Variants in MKLN1 observed in about 807,000 individuals in gnomAD.
MKLN1 encodes the protein muskelin.
MKLN1 carries 18 observed loss-of-function variants against 99.0 expected under a neutral mutation model. The ratio of observed to expected loss-of-function variants is 0.18; its 90% CI spans 0.13 to 0.27. The LOEUF (loss-of-function observed/expected upper bound fraction) is 0.27, where lower values mean the gene tolerates loss of function less well. Ranked by LOEUF, MKLN1 falls within the 10% of genes least tolerant of loss-of-function variation. The pLI, the probability that MKLN1 is intolerant of heterozygous loss-of-function variation, is 1.00. For missense variants in MKLN1, 621 were observed against 875.9 expected (o/e 0.71, Z 3.67); for synonymous variants, 288 against 293.2 (o/e 0.98, Z 0.18).
At chr7:131,122,275 C>G (rs573171796) in intron 1 of MKLN1, among the ~76,000 whole-genome samples, 2 of 152,294 alleles carry the variant, frequency 1.3e-5, no homozygotes, top group African/African-American at 4.8e-5. Context: ...AACAGATTCC[C>G]TTGAAGTTGA....
At chr7:131,427,547 CT>C (rs967999450) in intron 8 of MKLN1, among the ~76,000 whole-genome samples, 3 of 151,476 alleles carry the variant, frequency 2.0e-5, no homozygotes, top group South Asian at 2.1e-4. Flanking sequence ...AAGGAAACAA[CT>C]TTTTTTTTAT....
chr7:131,345,657 T>G (rs1170461568), intron 1 of MKLN1, among the ~76,000 whole-genome samples: 2 of 152,088 alleles, frequency 1.3e-5, no homozygotes, highest in Admixed American at 1.3e-4. Flanking sequence ...GAGGCTGCAG[T>G]GAGCTATGTT....
chr7:131,227,947 G>A (rs567954427), intron 3 of MKLN1, among the ~76,000 whole-genome samples: 5 of 152,274 alleles, frequency 3.3e-5, no homozygotes, highest in Middle Eastern at 3.4e-3. Flanking sequence ...CTTCCAGCGC[G>A]GGATGATTTA....
chr7:131,159,037 T>TA (rs372146185), intron 2 of MKLN1, among the ~76,000 whole-genome samples: 9,068 of 151,304 alleles, frequency 0.06, 353 homozygotes, highest in African/African-American at 0.099. Flanking sequence ...CAAAAAAATT[T>TA]AAAAAAAAAT....
chr7:131,359,478 A>C (rs747279646), intron 1 of MKLN1, among the ~76,000 whole-genome samples: 24 of 152,116 alleles, frequency 1.6e-4, no homozygotes, highest in Non-Finnish European at 2.6e-4. Flanking sequence ...TATTGGGTGA[A>C]ATACTCTGCA....
intron 6 of MKLN1, among the ~76,000 whole-genome samples, chr7:131,404,271 G>T (rs566502496): frequency 2.0e-5 from 3 of 152,158 alleles, no homozygotes; most frequent in African/African-American, 7.2e-5. Context: ...ATGAGTAGTA[G>T]CTTGGTAGAA....
chr7:131,173,231 G>C (rs1584807740), intron 2 of MKLN1, among the ~76,000 whole-genome samples: 1 of 151,620 alleles, frequency 6.6e-6, no homozygotes, highest in African/African-American at 2.4e-5. Context: ...AGTACCTGAC[G>C]TACAAGCCCA....
At chr7:131,405,634 A>AT (rs1453572908) in intron 6 of MKLN1, among the ~76,000 whole-genome samples, 1 of 152,040 alleles carries the variant, frequency 6.6e-6, no homozygotes, top group East Asian at 1.9e-4. Context: ...GCTATGAAGT[A>AT]TTTTTATTTT....
chr7:131,307,865 G>A (rs1798491159), intron 3 of MKLN1, among the ~76,000 whole-genome samples: 1 of 152,172 alleles, frequency 6.6e-6, no homozygotes, highest in South Asian at 2.1e-4. Context: ...TGGCTGTTGA[G>A]GAGGAATAAT....
chr7:131,315,514 TACCCCAGTGGCGCCTGGA>T (rs1369515021), intron 3 of MKLN1, among the ~76,000 whole-genome samples: 1 of 152,150 alleles, frequency 6.6e-6, no homozygotes, highest in East Asian at 1.9e-4. Context: ...AGTTTTTTCA[TACCCCAGTGGCGCCTGGA>T]ACCCCAGTGA....
chr7:131,137,014 T>A (rs1437690417), intron 1 of MKLN1, among the ~76,000 whole-genome samples: 1 of 152,132 alleles, frequency 6.6e-6, no homozygotes, highest in East Asian at 1.9e-4. Flanking sequence ...CCTAGGTTAT[T>A]TTTTTGCATG....
At chr7:131,154,691 A>G (rs1166725194) in intron 2 of MKLN1, among the ~76,000 whole-genome samples, 4 of 152,224 alleles carry the variant, frequency 2.6e-5, no homozygotes, top group Admixed American at 2.6e-4. Context: ...ATTCATATAT[A>G]CATAAATTCC....
chr7:131,400,516 A>ATATATAT (rs1186649549), intron 6 of MKLN1, among the ~76,000 whole-genome samples: 19 of 108,080 alleles, frequency 1.8e-4, no homozygotes, highest in African/African-American at 9.2e-4. Context: ...CAATAAAAAA[A>ATATATAT]AAATATATAT....
chr7:131,184,225 AG>A (rs1402302737), intron 2 of MKLN1, among the ~76,000 whole-genome samples: 1 of 152,114 alleles, frequency 6.6e-6, no homozygotes, highest in Non-Finnish European at 1.5e-5. Flanking sequence ...CCTGGGCTCA[AG>A]CAATCCTCCC....
chr7:131,328,071 G>A, intron 1 of MKLN1, 74 bp downstream of exon 1: 1 of 1,524,816 alleles, frequency 6.6e-7, no homozygotes, highest in East Asian at 2.5e-5. Context: ...GTGCAATGGA[G>A]GGCAGCCGAG....
At chr7:131,112,865 G>C (rs1795219888) in intron 1 of MKLN1, among the ~76,000 whole-genome samples, 1 of 152,202 alleles carries the variant, frequency 6.6e-6, no homozygotes, top group Non-Finnish European at 1.5e-5. Flanking sequence ...AATAGACCTA[G>C]CTCAGCTCTT....
intron 3 of MKLN1, among the ~76,000 whole-genome samples, chr7:131,209,387 G>A (rs11760492): frequency 0.18 from 27,818 of 152,184 alleles, 2,990 homozygotes; most frequent in Non-Finnish European, 0.25. Context: ...GCCAACAATG[G>A]CGGCTTGGTC....
rs569917395 is a variant in MKLN1, at chr7:131,162,072, TA to T, written c.-297+19132del. Reference sequence around the variant, plus strand: ...CATATATATATGTATATCACTCTGTTACCTAGGCCGGAGTGCAGTGGCACGA... The same window carrying T: ...CATATATATATGTATATCACTCTGTTCCTAGGCCGGAGTGCAGTGGCACGA... On this transcript the variant is annotated intron_variant, in intron 2 of 7. Coordinates refer to the MKLN1 transcript ENST00000416992. 2.0e-5 allele frequency among the ~76,000 whole-genome samples: 3 copies of T among 149,172 alleles called. No homozygotes were observed. In the East Asian group the frequency reaches 6.0e-4, roughly 30 times the overall value.
exon 2 of MKLN1, chr7:131,142,886 TA>T: frequency 7.7e-7 from 1 of 1,303,330 alleles, no homozygotes; most frequent in Non-Finnish European, 1.0e-6. Flanking sequence ...CCTGACTCCA[TA>T]AACTATTGGA....
Sources: allele counts gnomAD v4.1 joint callset (sites outside exome capture counted in the v4.1 genomes callset), GRCh38; gene constraint gnomAD v4.1.1; transcripts MANE v1.5; gene names NCBI Gene and HGNC (gene_info 2026-07-23, HGNC 2026-07-21).